UEVLD: variants seen among roughly 807,000 people sequenced by gnomAD.
UEVLD encodes the protein UEV and lactate/malate dehyrogenase domains.
A neutral mutation model predicts 58.6 loss-of-function variants in UEVLD; 47 were observed. The observed-to-expected ratio is 0.80, with a 90% CI of 0.63 to 1.02. The LOEUF (loss-of-function observed/expected upper bound fraction) is 1.02. Ranked by LOEUF, UEVLD falls within the 50% of genes least tolerant of loss-of-function variation. The probability of loss-of-function intolerance (pLI) is 0.00; values close to 1 mark genes in which losing one functional copy is unlikely to be tolerated. For synonymous variants in UEVLD, 197 were observed against 195.3 expected (o/e 1.01, Z -0.07); for missense variants, 510 against 550.6 (o/e 0.93, Z 0.74).
chr11:18,553,232 A>G (rs1234992436), intron 7 of UEVLD, among the ~76,000 whole-genome samples: 1 of 151,088 alleles, frequency 6.6e-6, no homozygotes, highest in African/African-American at 2.4e-5. Flanking sequence ...AAGCTGAGGC[A>G]GGAGAATAGC....
chr11:18,558,315 G>A lies in UEVLD; in HGVS notation c.628C>T (p.Leu210Phe). Reference protein sequence around the residue: ...AISAKGIADRLVLLDLSEGTK... With the variant: ...AISAKGIADRFVLLDLSEGTK... Reference sequence around the variant, plus strand: ...CCTTCTGAGAGGTCTAAGAGGACAAGCCTGTCTGCAATACCCTGTACAGTA... The same window carrying A: ...CCTTCTGAGAGGTCTAAGAGGACAAACCTGTCTGCAATACCCTGTACAGTA... The change falls in exon 7 of 12, where the codon CTT becomes TTT. Residue 210 changes from leucine to phenylalanine, a missense_variant. Transcript: ENST00000396197. 1 of 1,612,022 alleles carries A rather than the reference G, an allele frequency of 6.2e-7. No homozygotes were observed. The highest frequency in any genetic ancestry group is 1.1e-5 in the South Asian group (1 of 90,604).
chr11:18,562,329 G>C (rs1175749513), intron 6 of UEVLD, among the ~76,000 whole-genome samples: 2 of 151,564 alleles, frequency 1.3e-5, no homozygotes, highest in Non-Finnish European at 1.5e-5. Context: ...ATCACCTGAT[G>C]TCAAGAGCTC....
chr11:18,539,005 G>A (rs1403474687), intron 9 of UEVLD: 3 of 151,186 alleles, frequency 2.0e-5, no homozygotes, highest in Non-Finnish European at 4.4e-5. Flanking sequence ...GCTCCAGCCT[G>A]GCAACAGAGC....
rs1850523338 is a variant in UEVLD at position 18,530,520 on chromosome 11, C to T, written c.*1800G>A. ...TGTCTGCCCTTATAAACCCTCCTAACTCCATCTGGATTAACCTATTATATG... is the reference window on the plus strand; with the variant it reads ...TGTCTGCCCTTATAAACCCTCCTAATTCCATCTGGATTAACCTATTATATG... On this transcript the variant is annotated 3_prime_UTR_variant, in exon 12 of 12. Coordinates refer to ENST00000396197, the MANE Select transcript of UEVLD (RefSeq NM_001040697.4). 1 of 152,160 alleles carries T rather than the reference C, an allele frequency of 6.6e-6. No individual in the cohort carries two copies. The highest frequency in any genetic ancestry group is 2.4e-5 in the African/African-American group (1 of 41,426). The allele number at this position is 152,160 out of a possible 1,614,324, so 9.4% of individuals were successfully genotyped here. A position where few individuals can be genotyped will look rare whatever the true frequency, so the allele number is the denominator to read the frequency against.
chr11:18,575,256 C>A, intron 3 of UEVLD, 91 bp downstream of exon 3: 1 of 1,378,114 alleles, frequency 7.3e-7, no homozygotes, highest in Non-Finnish European at 1.0e-6. Flanking sequence ...TGCAATAATA[C>A]TTTAAGAATG....
rs1299520351 is a variant in UEVLD, at chr11:18,532,493, ATG to A, written c.1249-8_1249-7del. Reference sequence around the variant, plus strand: ...CTATTTATATCATAATATCCCTGAAATGAGAAAAATAGGGATTTAATAGAACT... The same window carrying A: ...CTATTTATATCATAATATCCCTGAAAAGAAAAATAGGGATTTAATAGAACT... On this transcript the variant is annotated splice_polypyrimidine_tract_variant and splice_region_variant and intron_variant, in intron 11 of 11. Coordinates refer to ENST00000396197, the MANE Select transcript of UEVLD (RefSeq NM_001040697.4). The A allele has an allele frequency of 6.3e-7, 1 of 1,586,910 alleles. No individual in the cohort carries two copies. The highest frequency in any genetic ancestry group is 1.8e-5 in the Admixed American group (1 of 55,064).
chr11:18,554,545 C>T (rs532622534), intron 7 of UEVLD, among the ~76,000 whole-genome samples: 25 of 151,828 alleles, frequency 1.6e-4, no homozygotes, highest in African/African-American at 5.8e-4. Flanking sequence ...TACAAGAACC[C>T]GCCAGCATGC....
At chr11:18,533,830 T>C (rs1431636678) in intron 11 of UEVLD, among the ~76,000 whole-genome samples, 1 of 152,186 alleles carries the variant, frequency 6.6e-6, no homozygotes. Flanking sequence ...AATTTTTGTA[T>C]TTTTAGTAGA....
At chr11:18,552,784 C>T (rs567158882) in intron 7 of UEVLD, among the ~76,000 whole-genome samples, 1 of 151,784 alleles carries the variant, frequency 6.6e-6, no homozygotes, top group Admixed American at 6.6e-5. Flanking sequence ...TCGCTTGAAC[C>T]CAGGAGGTGA....
chr11:18,568,260 G>A (rs775422215), intron 4 of UEVLD, among the ~76,000 whole-genome samples: 6 of 152,222 alleles, frequency 3.9e-5, no homozygotes, highest in East Asian at 3.9e-4. Flanking sequence ...GACTATCCCC[G>A]AGGATTTATT....
At chr11:18,571,667 ATAACT>A (rs1193349080) in intron 3 of UEVLD, among the ~76,000 whole-genome samples, 3 of 152,254 alleles carry the variant, frequency 2.0e-5, no homozygotes, top group Admixed American at 6.5e-5. Flanking sequence ...TCATAAGAAC[ATAACT>A]TAAGTTGGAT....
chr11:18,581,364 A>G (rs1205323409), intron 1 of UEVLD, among the ~76,000 whole-genome samples: 1 of 152,106 alleles, frequency 6.6e-6, no homozygotes, highest in Non-Finnish European at 1.5e-5. Context: ...TCTACATTTC[A>G]GCCTAGAGTC....
intron 1 of UEVLD, among the ~76,000 whole-genome samples, chr11:18,585,064 T>A (rs145852768): frequency 6.6e-6 from 1 of 152,278 alleles, no homozygotes; most frequent in Non-Finnish European, 1.5e-5. Flanking sequence ...AATTTTCTTT[T>A]TAAAAAAATT....
At chr11:18,562,778 T>G (rs1852104690) in intron 6 of UEVLD, among the ~76,000 whole-genome samples, 1 of 151,768 alleles carries the variant, frequency 6.6e-6, no homozygotes, top group Non-Finnish European at 1.5e-5. Flanking sequence ...CCAGGAGCAG[T>G]GACTCATGCC....
Position 18,532,348 on chromosome 11 carries a change from T to C in UEVLD, c.1388A>G (p.His463Arg). 1 of 1,611,082 alleles carries C rather than the reference T, an allele frequency of 6.2e-7. No individual in the cohort carries two copies. The highest frequency in any genetic ancestry group is 8.5e-7 in the Non-Finnish European group (1 of 1,178,992). Residue 463 changes from histidine (H) to arginine (R), a missense_variant, in exon 12 of 12, where the codon CAC becomes CGC. Coordinates refer to ENST00000396197, the MANE Select transcript of UEVLD (RefSeq NM_001040697.4). ...AAGTTTTAACTGTTGTTGGAGACTG[T>C]GGATTGAGGATGCACTGCTTTGGAG... ...EKLQSSASSIHSLQQQLKL is the reference protein window; with the variant it reads ...EKLQSSASSIRSLQQQLKL
intron 9 of UEVLD, 149 bp downstream of exon 9, chr11:18,544,474 A>AT (rs3837379): frequency 0.18 from 138,491 of 790,258 alleles, 15,689 homozygotes; most frequent in East Asian, 0.45. Context: ...TGCCTGGCTA[A>AT]TTTTTTATCT....
At position 18,566,471 on chromosome 11, in the gene UEVLD, G is replaced by A. The variant is rs1043343206; in HGVS notation, c.369C>T (p.Val123=). 2 of 1,613,736 alleles carry A rather than the reference G, an allele frequency of 1.2e-6. No individual in the cohort carries two copies. Among genetic ancestry groups the A allele is most frequent in the Non-Finnish European group, 1.7e-6 (2 of 1,179,980 alleles). ...YLQNWSHPKS[V]IVGLIKEMIA... Reference sequence around the variant, plus strand: ...TCATTTCTTTAATTAATCCAACAATGACAGATTTAGGCTGTAGAATACACA... The same window carrying A: ...TCATTTCTTTAATTAATCCAACAATAACAGATTTAGGCTGTAGAATACACA... Residue 123 remains valine (V), a synonymous_variant, in exon 5 of 12, where the codon GTC becomes GTT. Transcript: ENST00000396197.
chr11:18,565,442 T>C (rs1039980798), intron 5 of UEVLD, among the ~76,000 whole-genome samples: 2 of 152,338 alleles, frequency 1.3e-5, no homozygotes, highest in Middle Eastern at 3.4e-3. Flanking sequence ...AAGCCACATA[T>C]ACATATCATG....
At position 18,575,404 on chromosome 11, in the gene UEVLD, C is replaced by G. The variant is rs768992780; in HGVS notation, c.136G>C (p.Asp46His). 1 of 1,594,202 alleles carries G rather than the reference C, an allele frequency of 6.3e-7. No individual in the cohort carries two copies. Among genetic ancestry groups the G allele is most frequent in the Non-Finnish European group, 8.5e-7 (1 of 1,173,110 alleles). ...KYSMDTYVFK[D>H]SSQKDLLNFT... ...TTCAGCAGGTCTTTCTGAGAACTATCTTTAAAAACTAGAAGAAAAAAAAAA... is the reference window on the plus strand; with the variant it reads ...TTCAGCAGGTCTTTCTGAGAACTATGTTTAAAAACTAGAAGAAAAAAAAAA... The change falls in exon 3 of 12, where the codon GAT (aspartate) becomes CAT (histidine). Residue 46 changes from aspartate (D) to histidine (H), a missense_variant. Asp to His is a moderately conservative substitution (Grantham distance 81, BLOSUM62 -1). Transcript: ENST00000396197.
Sources: gnomAD v4.1 joint callset for allele counts (sites outside exome capture counted in the v4.1 genomes callset) on GRCh38, gnomAD v4.1.1 for gene constraint, MANE v1.5 for transcripts, NCBI Gene and HGNC (gene_info 2026-07-23, HGNC 2026-07-21) for gene names.